The following CERS3 variants were observed in gnomAD, a reference collection of about 807,000 sequenced individuals.
The protein encoded by CERS3 is LAG1 homolog, ceramide synthase 3.
A neutral mutation model predicts 50.3 loss-of-function variants in CERS3; 33 were observed. The observed-to-expected ratio is 0.66, with a 90% CI of 0.50 to 0.88. CERS3 has a LOEUF of 0.88. CERS3 is among the 40% of genes least tolerant of loss of function. The probability of loss-of-function intolerance (pLI) is 0.00; values close to 1 mark genes in which losing one functional copy is unlikely to be tolerated. For missense variants in CERS3, 470 were observed against 460.3 expected (o/e 1.02, Z -0.19); for synonymous variants, 176 against 155.2 (o/e 1.13, Z -0.99).
At chr15:100,410,394 C>G (rs866247098) in intron 11 of CERS3, among the ~76,000 whole-genome samples, 2 of 152,272 alleles carry the variant, frequency 1.3e-5, no homozygotes, top group Middle Eastern at 6.8e-3. Flanking sequence ...ATCACAGTCA[C>G]TACAAAGGGA....
chr15:100,411,162 TTC>T (rs1319977421), intron 11 of CERS3, among the ~76,000 whole-genome samples: 3 of 152,158 alleles, frequency 2.0e-5, no homozygotes, highest in Non-Finnish European at 4.4e-5. Context: ...TCGTTTTGTT[TTC>T]TGTTTTTTTT....
intron 10 of CERS3, among the ~76,000 whole-genome samples, chr15:100,466,535 T>C (rs554374349): frequency 6.6e-5 from 10 of 152,246 alleles, no homozygotes; most frequent in Admixed American, 3.3e-4. Flanking sequence ...ATGTGACTAC[T>C]GAGGCTGTTT....
At chr15:100,451,229 G>T (rs182348961) in intron 11 of CERS3, among the ~76,000 whole-genome samples, 86 of 152,030 alleles carry the variant, frequency 5.7e-4, no homozygotes, top group Non-Finnish European at 1.1e-3. Context: ...AAGAAACAAA[G>T]GATATACAGA....
intron 1 of CERS3, among the ~76,000 whole-genome samples, chr15:100,537,040 C>T (rs1361354816): frequency 6.6e-6 from 1 of 152,222 alleles, no homozygotes; most frequent in African/African-American, 2.4e-5. Context: ...TAGCTTTTCC[C>T]TCTTCCTCCT....
rs577719237 is a variant in CERS3, at chr15:100,543,813, T to A, written c.-355+838A>T. 7.2e-5 allele frequency among the ~76,000 whole-genome samples: 11 copies of A among 152,244 alleles called. No homozygotes were observed. The East Asian group carries it at 7.7e-4, about 11-fold the overall frequency. On this transcript the variant is annotated intron_variant, in intron 1 of 12. Transcript: ENST00000284382. ...TCAAAGTGCTGGGATTACAGGCGTGTGCCACCGCACGTGGCTGTGGGTGGG... is the reference window on the plus strand; with the variant it reads ...TCAAAGTGCTGGGATTACAGGCGTGAGCCACCGCACGTGGCTGTGGGTGGG...
Position 100,485,898 on chromosome 15 carries a change from A to G in CERS3, c.289-1230T>C, listed in dbSNP as rs557177417. On this transcript the variant is annotated intron_variant, in intron 4 of 11. Transcript: ENST00000679737. Reference sequence around the variant, plus strand: ...AAATACATAAATAAATAAAAGAAACATTTCCATTTCCTCTTAATTCTATTT... The same window carrying G: ...AAATACATAAATAAATAAAAGAAACGTTTCCATTTCCTCTTAATTCTATTT... Among the ~76,000 whole-genome samples the G allele has an allele frequency of 9.9e-5, 15 of 152,152 alleles. No individual in the cohort carries two copies. In the South Asian group the frequency reaches 2.9e-3, roughly 29 times the overall value.
At chr15:100,410,941 T>C (rs1251465844) in intron 11 of CERS3, among the ~76,000 whole-genome samples, 1 of 152,168 alleles carries the variant, frequency 6.6e-6, no homozygotes, top group East Asian at 1.9e-4. Flanking sequence ...GAAACAGAAA[T>C]TCTGTACCCA....
chr15:100,487,271 G>A (rs1201699884), intron 4 of CERS3, among the ~76,000 whole-genome samples: 1 of 152,206 alleles, frequency 6.6e-6, no homozygotes, highest in Non-Finnish European at 1.5e-5. Context: ...GTCAGTGCAT[G>A]ACAGGCACAA....
chr15:100,426,439 A>C (rs1230008369), intron 11 of CERS3, among the ~76,000 whole-genome samples: 2 of 152,244 alleles, frequency 1.3e-5, no homozygotes, highest in African/African-American at 4.8e-5. Flanking sequence ...ATATCCAGAC[A>C]TAATAAATAT....
upstream of CERS3, among the ~76,000 whole-genome samples, chr15:100,530,262 C>G (rs913118903): frequency 6.6e-5 from 10 of 152,220 alleles, no homozygotes; most frequent in African/African-American, 2.4e-4. Context: ...AACTCACATT[C>G]CCATTCTCAT....
intron 7 of CERS3, among the ~76,000 whole-genome samples, chr15:100,478,165 A>G (rs1342545291): frequency 6.6e-6 from 1 of 152,230 alleles, no homozygotes; most frequent in African/African-American, 2.4e-5. Context: ...TCAGTAGAGA[A>G]CTGGGATCCA....
At chr15:100,484,058 G>C (rs2035411757) in intron 5 of CERS3, among the ~76,000 whole-genome samples, 1 of 151,876 alleles carries the variant, frequency 6.6e-6, no homozygotes, top group East Asian at 1.9e-4. Context: ...CTACAGGAGG[G>C]CTGGGGTCAT....
intron 8 of CERS3, among the ~76,000 whole-genome samples, chr15:100,474,763 A>T (rs575105813): frequency 1.3e-5 from 2 of 152,282 alleles, no homozygotes; most frequent in Admixed American, 1.3e-4. Context: ...AGGAGATAGG[A>T]ACTATTTTTA....
intron 10 of CERS3, among the ~76,000 whole-genome samples, chr15:100,458,859 A>G (rs1409387060): frequency 6.6e-6 from 1 of 152,176 alleles, no homozygotes; most frequent in Admixed American, 6.6e-5. Flanking sequence ...ATGCAATAAC[A>G]TGTTACAGAG....
intron 3 of CERS3, among the ~76,000 whole-genome samples, chr15:100,491,363 C>T (rs925778590): frequency 2.0e-4 from 30 of 152,038 alleles, no homozygotes; most frequent in Admixed American, 1.2e-3. Context: ...AGGGCAAATA[C>T]GTAATAATAG....
intron 1 of CERS3, among the ~76,000 whole-genome samples, chr15:100,525,928 C>T (rs2036775199): frequency 6.6e-6 from 1 of 152,142 alleles, no homozygotes; most frequent in Admixed American, 6.5e-5. Flanking sequence ...ATCCTGGGTC[C>T]ATCCAGTAAA....
chr15:100,445,759 C>T (rs1046774829), intron 11 of CERS3, among the ~76,000 whole-genome samples: 1 of 152,156 alleles, frequency 6.6e-6, no homozygotes, highest in Non-Finnish European at 1.5e-5. Context: ...CACTTTACCA[C>T]TATTTCATTT....
intron 10 of CERS3, among the ~76,000 whole-genome samples, chr15:100,461,107 A>G (rs1327579383): frequency 2.0e-5 from 3 of 152,152 alleles, no homozygotes; most frequent in Non-Finnish European, 1.5e-5. Flanking sequence ...GAGCAACAGG[A>G]AGCTTGGCTG....
chr15:100,473,293 C>T (rs2142247728), intron 8 of CERS3, among the ~76,000 whole-genome samples: 1 of 152,296 alleles, frequency 6.6e-6, no homozygotes. Context: ...TACACACACA[C>T]TGCCCCCCAA....
Sources: gnomAD v4.1 joint callset for allele counts (sites outside exome capture counted in the v4.1 genomes callset) on GRCh38, gnomAD v4.1.1 for gene constraint, MANE v1.5 for transcripts, NCBI Gene and HGNC (gene_info 2026-07-23, HGNC 2026-07-21) for gene names.